ESRRG: variants seen among roughly 807,000 people sequenced by gnomAD.
The protein encoded by ESRRG is estrogen-related receptor gamma.
ESRRG carries 13 observed loss-of-function variants against 44.0 expected under a neutral mutation model. The observed-to-expected ratio is 0.30, with a 90% CI of 0.19 to 0.47. The LOEUF is 0.47. Among genes scored for constraint, ESRRG ranks in the 20% least tolerant of loss-of-function variants. ESRRG has a pLI of 1.00. For synonymous variants in ESRRG, 215 were observed against 214.6 expected (o/e 1.00, Z -0.02); for missense variants, 395 against 580.6 (o/e 0.68, Z 3.29).
intron 2 of ESRRG, among the ~76,000 whole-genome samples, chr1:216,819,390 T>C (rs1164168039): frequency 6.6e-6 from 1 of 152,232 alleles, no homozygotes; most frequent in African/African-American, 2.4e-5. Context: ...GTATATCTTC[T>C]TCCTTTTTTA....
intron 1 of ESRRG, among the ~76,000 whole-genome samples, chr1:217,010,599 C>T (rs1453103472): frequency 6.6e-6 from 1 of 152,178 alleles, no homozygotes; most frequent in Non-Finnish European, 1.5e-5. Context: ...AAGCAATGCG[C>T]TTGACAGTGA....
intron 1 of ESRRG, among the ~76,000 whole-genome samples, chr1:217,121,452 A>G (rs1277662719): frequency 6.6e-6 from 1 of 152,194 alleles, no homozygotes; most frequent in Middle Eastern, 3.2e-3. Flanking sequence ...TGTCCTTGAT[A>G]GGTTGATACT....
At chr1:216,687,509 A>T (rs1404997508) in intron 1 of ESRRG, among the ~76,000 whole-genome samples, 1 of 152,076 alleles carries the variant, frequency 6.6e-6, no homozygotes, top group Non-Finnish European at 1.5e-5. Flanking sequence ...CCATTCCTTG[A>T]TATGTCGGAA....
rs150035363 is a variant in ESRRG, at chr1:216,506,473, A to C, written c.*466T>G. 7.7e-3 allele frequency: 2,695 copies of C among 347,786 alleles called. 23 individuals carry two copies. Among genetic ancestry groups the C allele is most frequent in the Non-Finnish European group, 0.012 (2,152 of 179,096 alleles). The allele number at this position is 347,786 out of a possible 1,614,324, so 21.5% of individuals were successfully genotyped here. A position where few individuals can be genotyped will look rare whatever the true frequency, so the allele number is the denominator to read the frequency against. ...GGAAAGGAAAGGAAAGGGAAAAGGAAAGGGAAAAAGGAAAGAAAGGGAAAG... is the reference window on the plus strand; with the variant it reads ...GGAAAGGAAAGGAAAGGGAAAAGGACAGGGAAAAAGGAAAGAAAGGGAAAG... On this transcript the variant is annotated 3_prime_UTR_variant, in exon 7 of 7. Coordinates refer to ENST00000408911, the MANE Select transcript of ESRRG (RefSeq NM_001438.4).
intron 2 of ESRRG, among the ~76,000 whole-genome samples, chr1:216,779,266 T>C (rs2093766620): frequency 4.4e-5 from 1 of 22,746 alleles, no homozygotes; most frequent in Non-Finnish European, 6.9e-5. Flanking sequence ...AATATAAATA[T>C]ATATTTATAT....
At chr1:217,129,609 G>A (rs1424830376) in intron 1 of ESRRG, among the ~76,000 whole-genome samples, 1 of 152,138 alleles carries the variant, frequency 6.6e-6, no homozygotes, top group East Asian at 1.9e-4. Flanking sequence ...ACTATTCAGC[G>A]ATAAAGAGGG....
chr1:216,836,745 C>A (rs1357011536), intron 2 of ESRRG, among the ~76,000 whole-genome samples: 2 of 152,140 alleles, frequency 1.3e-5, no homozygotes, highest in Non-Finnish European at 2.9e-5. Context: ...AGCATGCAAA[C>A]ATTTTGGCTA....
rs1011642377 is a variant in ESRRG at position 216,741,303 on chromosome 1, A to G, written c.-13-63812T>C. ...AATTTATATTTGTAATTTATATTAT[A>G]TAGTTTATGTTTATAATTTATATTA... On this transcript the variant is annotated intron_variant, in intron 2 of 7. Transcript: ENST00000359162. Among the ~76,000 whole-genome samples, 3 of 147,886 alleles carry G rather than the reference A, an allele frequency of 2.0e-5. No homozygotes were observed. The Admixed American group carries it at 2.0e-4, about 10-fold the overall frequency.
In ESRRG at chr1:216,831,247, C is replaced by G. The variant is rs577140267; in HGVS notation, c.-14+108335G>C. Among the ~76,000 whole-genome samples, 6 of 152,012 alleles carry G rather than the reference C, an allele frequency of 3.9e-5. No individual in the cohort carries two copies. The East Asian group carries it at 1.2e-3, about 30-fold the overall frequency. On this transcript the variant is annotated intron_variant, in intron 2 of 7. Transcript: ENST00000359162. ...GTTAGCAGAGGCTTGGTTATTAGCA[C>G]CGATCAACTGTTAATTAAAATAAAA...
intron 1 of ESRRG, among the ~76,000 whole-genome samples, chr1:216,705,634 A>G: frequency 6.6e-6 from 1 of 152,208 alleles, no homozygotes; most frequent in East Asian, 1.9e-4. Flanking sequence ...CTAAATCTAT[A>G]TGCAAATCGA....
At chr1:216,896,837 C>A (rs1371289808) in intron 2 of ESRRG, among the ~76,000 whole-genome samples, 1 of 152,210 alleles carries the variant, frequency 6.6e-6, no homozygotes, top group East Asian at 1.9e-4. Flanking sequence ...TCTCACTTTA[C>A]AGGCATATTT....
chr1:216,765,949 C>A (rs994062423), intron 2 of ESRRG, among the ~76,000 whole-genome samples: 4 of 152,026 alleles, frequency 2.6e-5, no homozygotes, highest in Admixed American at 6.6e-5. Context: ...TCATTTCTTG[C>A]GACTGATGTA....
chr1:217,116,011 G>A (rs1386956458), intron 1 of ESRRG, among the ~76,000 whole-genome samples: 1 of 152,154 alleles, frequency 6.6e-6, no homozygotes, highest in Non-Finnish European at 1.5e-5. Flanking sequence ...TAGCAGTTTT[G>A]AGGATATTTC....
At position 216,506,620 on chromosome 1, in the gene ESRRG, G is replaced by T. The variant is rs747894987; in HGVS notation, c.*319C>A. The stretch of plus-strand genomic sequence containing the variant: ...GAAAAGAAAGAAGGCAGGCAGACGG[G>T]AAGAAAATAAAGGAGAATGGGAACT... On this transcript the variant is annotated 3_prime_UTR_variant, in exon 7 of 7. Transcript: ENST00000408911. The T allele has an allele frequency of 4.0e-6, 2 of 494,134 alleles. No homozygotes were observed. The highest frequency in any genetic ancestry group is 3.1e-5 in the South Asian group (2 of 64,380). The allele number at this position is 494,134 out of a possible 1,614,324, so 30.6% of individuals were successfully genotyped here. A position where few individuals can be genotyped will look rare whatever the true frequency, so the allele number is the denominator to read the frequency against.
At chr1:217,086,311 G>C (rs959400641) in intron 1 of ESRRG, among the ~76,000 whole-genome samples, 24 of 152,282 alleles carry the variant, frequency 1.6e-4, no homozygotes, top group Non-Finnish European at 3.2e-4. Context: ...AATTGTATTA[G>C]GTACATTTCA....
chr1:217,112,153 C>A (rs770502067), intron 1 of ESRRG, among the ~76,000 whole-genome samples: 1 of 152,174 alleles, frequency 6.6e-6, no homozygotes, highest in African/African-American at 2.4e-5. Context: ...CAAGAACTAT[C>A]CAGCCAAACA....
chr1:216,781,204 A>G (rs1254344610), intron 2 of ESRRG, among the ~76,000 whole-genome samples: 1 of 151,984 alleles, frequency 6.6e-6, no homozygotes, highest in Non-Finnish European at 1.5e-5. Flanking sequence ...TTTTCACTCA[A>G]CAAACATTTA....
chr1:217,046,163 CAA>C (rs907962584), intron 1 of ESRRG, among the ~76,000 whole-genome samples: 11 of 134,596 alleles, frequency 8.2e-5, no homozygotes, highest in South Asian at 2.4e-4. Context: ...ACATTCCTTT[CAA>C]AAAAAAAAAA....
At chr1:216,536,222 C>A (rs954674983) in intron 5 of ESRRG, among the ~76,000 whole-genome samples, 1 of 152,096 alleles carries the variant, frequency 6.6e-6, no homozygotes, top group African/African-American at 2.4e-5. Context: ...AACTATATCA[C>A]CAGTACCCCC....
Sources: gnomAD v4.1 joint callset for allele counts (sites outside exome capture counted in the v4.1 genomes callset) on GRCh38, gnomAD v4.1.1 for gene constraint, MANE v1.5 for transcripts, NCBI Gene and HGNC (gene_info 2026-07-23, HGNC 2026-07-21) for gene names.